The following PKD2L2 variants were observed in gnomAD, a reference collection of about 807,000 sequenced individuals.
PKD2L2 encodes polycystin 2 like 2, transient receptor potential cation channel, also known as polycystin-2-like protein 2.
A neutral mutation model predicts 83.9 loss-of-function variants in PKD2L2; 67 were observed. The observed-to-expected ratio is 0.80, with a 90% CI of 0.66 to 0.98. The LOEUF is 0.98. PKD2L2 is among the 50% of genes least tolerant of loss of function. The pLI is 0.00. For missense variants in PKD2L2, 632 were observed against 717.2 expected (o/e 0.88, Z 1.36); for synonymous variants, 223 against 237.8 (o/e 0.94, Z 0.57).
intron 8 of PKD2L2, among the ~76,000 whole-genome samples, chr5:137,910,264 TA>T (rs1757713876): frequency 6.8e-6 from 1 of 147,546 alleles, no homozygotes; most frequent in Non-Finnish European, 1.5e-5. Context: ...ATAATAATAA[TA>T]ATAATAATAA....
Position 137,921,613 on chromosome 5 carries a change from TCTA to T in PKD2L2, c.1329-20_1329-18del, listed in dbSNP as rs1284013650. The stretch of plus-strand genomic sequence containing the variant: ...TGTATGTACATAAAGGTATATATTT[TCTA>T]CTGTTTTTCTTTCTTAAAGATTTGC... On this transcript the variant is annotated intron_variant, in intron 8 of 14. Transcript: ENST00000508883. The T allele has an allele frequency of 2.0e-6, 3 of 1,482,890 alleles. No homozygotes were observed. The highest frequency in any genetic ancestry group is 1.4e-5 in the African/African-American group (1 of 71,548). The allele number at this position is 1,482,890 out of a possible 1,614,324, so 91.9% of individuals were successfully genotyped here.
chr5:137,934,125 T>C lies in PKD2L2; in HGVS notation c.1672-1672T>C, dbSNP rs555447334. 3.9e-4 allele frequency among the ~76,000 whole-genome samples: 59 copies of C among 152,214 alleles called. No individual in the cohort carries two copies. In the South Asian group the frequency reaches 5.4e-3, roughly 14 times the overall value. Reference sequence around the variant, plus strand: ...AGGAGTGTAAGGGCCAATATGAACATGAAGATCATCCAGAGACAACTAACT... The same window carrying C: ...AGGAGTGTAAGGGCCAATATGAACACGAAGATCATCCAGAGACAACTAACT... On this transcript the variant is annotated intron_variant, in intron 12 of 14. Coordinates refer to ENST00000508883, the MANE Select transcript of PKD2L2 (RefSeq NM_001300921.2).
Position 137,894,582 on chromosome 5 carries a change from C to G in PKD2L2, c.497C>G (p.Ser166Cys). The G allele has an allele frequency of 6.2e-7, 1 of 1,612,032 alleles. No homozygotes were observed. The highest frequency in any genetic ancestry group is 8.5e-7 in the Non-Finnish European group (1 of 1,178,516). Residue 166 changes from serine (S) to cysteine (C), a missense_variant, in exon 4 of 15, where the codon TCT becomes TGT. Physicochemically the swap from Ser to Cys is moderately radical, Grantham distance 112. Transcript: ENST00000508883. Reference protein sequence around the residue: ...GKYTSANEDLSNFGLQINTEW... With the variant: ...GKYTSANEDLCNFGLQINTEW... ...TATACTTCTGCAAATGAAGACCTCT[C>G]TAATTTTGGCCTTCAAATTAATACT...
intron 8 of PKD2L2, among the ~76,000 whole-genome samples, chr5:137,917,846 T>C (rs1232409897): frequency 6.6e-6 from 1 of 152,164 alleles, no homozygotes. Context: ...ATCTGGTGAT[T>C]TTTTGGTGAA....
In PKD2L2 at chr5:137,935,899, G is replaced by T. The variant is rs764911950; in HGVS notation, c.1774G>T (p.Glu592Ter). 4 of 1,536,378 alleles carry T rather than the reference G, an allele frequency of 2.6e-6. No homozygotes were observed. Among genetic ancestry groups the T allele is most frequent in the South Asian group, 2.2e-5 (2 of 89,328 alleles). Residue 592 changes from glutamate to a stop codon, truncating the protein, a stop_gained, in exon 13 of 15, where the codon GAA becomes TAA. Transcript: ENST00000508883. LOFTEE classifies it high-confidence loss of function. ...TGACTACCAGCCTGTCACTCAAGAA[G>T]AATTTCGAGAGTAAGCTTATGTTCT... The part of the protein sequence containing the change: ...QDDYQPVTQE[E>*]FRELFLYAVE...
intron 8 of PKD2L2, among the ~76,000 whole-genome samples, chr5:137,919,025 G>A (rs150511756): frequency 6.6e-6 from 1 of 151,836 alleles, no homozygotes; most frequent in African/African-American, 2.4e-5. Flanking sequence ...TATACATCAA[G>A]CAGGGAGCCT....
At chr5:137,896,871 T>C (rs1410885812) in intron 4 of PKD2L2, among the ~76,000 whole-genome samples, 1 of 151,274 alleles carries the variant, frequency 6.6e-6, no homozygotes, top group Non-Finnish European at 1.5e-5. Flanking sequence ...GAATAGTGAT[T>C]ATATTTCCTT....
intron 3 of PKD2L2, among the ~76,000 whole-genome samples, chr5:137,893,593 G>A (rs1159338100): frequency 6.6e-6 from 1 of 152,224 alleles, no homozygotes; most frequent in Non-Finnish European, 1.5e-5. Flanking sequence ...TGTTCTATAA[G>A]TAATTCTACA....
chr5:137,911,819 C>T (rs1470638046), intron 8 of PKD2L2, among the ~76,000 whole-genome samples: 1 of 152,194 alleles, frequency 6.6e-6, no homozygotes, highest in Non-Finnish European at 1.5e-5. Context: ...TGAACTCCAC[C>T]TCTCCAACCC....
At chr5:137,893,218 G>A (rs1384124023) in intron 3 of PKD2L2, among the ~76,000 whole-genome samples, 4 of 152,136 alleles carry the variant, frequency 2.6e-5, no homozygotes, top group African/African-American at 7.2e-5. Context: ...CCCAGAAAGT[G>A]TAATATATGT....
intron 8 of PKD2L2, among the ~76,000 whole-genome samples, chr5:137,914,031 CTTT>C (rs58118724): frequency 1.7e-4 from 7 of 42,338 alleles, no homozygotes; most frequent in Admixed American, 8.0e-4. Flanking sequence ...CCACACTTGG[CTTT>C]TTTTTTTTTT....
chr5:137,935,757 A>C (rs908395065), intron 12 of PKD2L2, 40 bp from the exon 13 acceptor site: 1 of 1,041,782 alleles, frequency 9.6e-7, no homozygotes, highest in African/African-American at 1.6e-5. Context: ...GAAATAGAGA[A>C]CTAAAGATTG....
At chr5:137,903,801 G>T (rs1757151131) in intron 5 of PKD2L2, among the ~76,000 whole-genome samples, 1 of 151,990 alleles carries the variant, frequency 6.6e-6, no homozygotes, top group South Asian at 2.1e-4. Flanking sequence ...TTGTTGCCCA[G>T]GCTGGAGTAC....
rs372630241 is a variant in PKD2L2, at chr5:137,912,474, C to T, written c.1328+3528C>T. ...CTCCTCTTCCTAGGTTCAAGTGATT[C>T]TCCCACCTTAGCCTCCCAAGTAGCT... On this transcript the variant is annotated intron_variant, in intron 8 of 14. Coordinates refer to ENST00000508883, the MANE Select transcript of PKD2L2 (RefSeq NM_001300921.2). Among the ~76,000 whole-genome samples, 57 of 152,216 alleles carry T rather than the reference C, an allele frequency of 3.7e-4. 1 individual carries two copies. The East Asian group carries it at 5.2e-3, about 14-fold the overall frequency.
intron 12 of PKD2L2, among the ~76,000 whole-genome samples, chr5:137,929,559 A>AAAAAAC (rs1580989753): frequency 2.0e-5 from 3 of 147,750 alleles, no homozygotes; most frequent in Non-Finnish European, 4.5e-5. Context: ...AAAAAAAAAA[A>AAAAAAC]CAGACCACAC....
chr5:137,902,379 C>T (rs778151101), intron 5 of PKD2L2, among the ~76,000 whole-genome samples: 2 of 152,158 alleles, frequency 1.3e-5, no homozygotes, highest in Non-Finnish European at 2.9e-5. Flanking sequence ...TTTCTACCTC[C>T]TCCACCTCTT....
chr5:137,890,471 T>C lies in PKD2L2; in HGVS notation c.32-10T>C. The C allele has an allele frequency of 6.7e-7, 1 of 1,501,712 alleles. No homozygotes were observed. The highest frequency in any genetic ancestry group is 9.1e-7 in the Non-Finnish European group (1 of 1,100,914). 93.0% of individuals were successfully genotyped at this position (1,501,712 alleles called of 1,614,324 possible). ...TAATGTAAAGAAAAATTTTGTCTTA[T>C]ATCTCACAGGGGCTTCGAAACATAA... On this transcript the variant is annotated splice_polypyrimidine_tract_variant and intron_variant, in intron 1 of 14. Coordinates refer to ENST00000508883, the MANE Select transcript of PKD2L2 (RefSeq NM_001300921.2).
chr5:137,934,546 C>A (rs1760147708), intron 12 of PKD2L2, among the ~76,000 whole-genome samples: 1 of 152,090 alleles, frequency 6.6e-6, no homozygotes, highest in African/African-American at 2.4e-5. Context: ...CGGTGGCTCG[C>A]ACCTGTAATC....
In PKD2L2 at chr5:137,889,496, C is replaced by T. The variant is rs371516950; in HGVS notation, c.5C>T (p.Ala2Val). The change falls in exon 1 of 15, where the codon GCT (alanine) becomes GTT (valine). Residue 2 changes from alanine to valine, a missense_variant. Coordinates refer to ENST00000508883, the MANE Select transcript of PKD2L2 (RefSeq NM_001300921.2). M[A>V]EASRWHRGGA... ...GCGGTGTAGTGCAGGTCCGCCATGG[C>T]TGAGGCGTCACGGTGGCACCGAGGC... is the stretch of plus-strand genomic sequence containing the variant. 8 of 1,564,276 alleles carry T rather than the reference C, an allele frequency of 5.1e-6. No individual in the cohort carries two copies. The African/African-American group carries it at 7.2e-5, about 14-fold the overall frequency.
Sources: allele counts gnomAD v4.1 joint callset (sites outside exome capture counted in the v4.1 genomes callset), GRCh38; gene constraint gnomAD v4.1.1; transcripts MANE v1.5; gene names NCBI Gene and HGNC (gene_info 2026-07-23, HGNC 2026-07-21).